Variants in CEPT1 observed in about 807,000 individuals in gnomAD.
The protein encoded by CEPT1 is choline/ethanolamine phosphotransferase 1.
A neutral mutation model predicts 42.6 loss-of-function variants in CEPT1; 7 were observed. The ratio of observed to expected loss-of-function variants is 0.16; its 90% CI spans 0.09 to 0.31. The LOEUF (loss-of-function observed/expected upper bound fraction) is 0.31, where lower values mean the gene tolerates loss of function less well. CEPT1 is among the 10% of genes least tolerant of loss of function. The pLI is 1.00. For missense variants in CEPT1, 306 were observed against 502.1 expected, an observed-to-expected ratio of 0.61 and a Z score of 3.73; for synonymous variants, 171 against 171.9, an observed-to-expected ratio of 0.99 and a Z score of 0.04.
intron 2 of CEPT1, among the ~76,000 whole-genome samples, chr1:111,151,773 G>A (rs2101260024): frequency 1.3e-5 from 2 of 152,336 alleles, no homozygotes; most frequent in African/African-American, 4.8e-5. Context: ...GTTCTTTACA[G>A]ATGCACATTT....
In CEPT1 at chr1:111,142,053, G is replaced by T. The variant is rs115590442; in HGVS notation, c.-74+1746G>T. The stretch of plus-strand genomic sequence containing the variant: ...CCTTATGCACTGCTCAGGAGTTAGA[G>T]ATTTTTTTTTTTAATGTGATACTTG... On this transcript the variant is annotated intron_variant, in intron 1 of 8. Transcript: ENST00000357172. 2.8e-3 allele frequency among the ~76,000 whole-genome samples: 426 copies of T among 151,964 alleles called. 4 individuals are homozygous for T. Among genetic ancestry groups the T allele is most frequent in the African/African-American group, 9.9e-3 (409 of 41,404 alleles).
At chr1:111,141,870 G>C (rs1234612752) in intron 1 of CEPT1, among the ~76,000 whole-genome samples, 1 of 151,310 alleles carries the variant, frequency 6.6e-6, no homozygotes, top group Non-Finnish European at 1.5e-5. Context: ...CTTTCTGCTA[G>C]TGTAGCCATG....
rs555595954 is a variant in CEPT1, at chr1:111,140,971, T to C, written c.-74+664T>C. Among the ~76,000 whole-genome samples the C allele has an allele frequency of 2.0e-5, 3 of 152,362 alleles. No individual in the cohort carries two copies. The East Asian group carries it at 5.8e-4, about 29-fold the overall frequency. On this transcript the variant is annotated intron_variant, in intron 1 of 8. Coordinates refer to ENST00000357172, the MANE Select transcript of CEPT1 (RefSeq NM_006090.5). ...ACTGCATGAACGGGATCTTTAGCCATGTTTAACTTGTTTTCTCCAATTCAG... is the reference window on the plus strand; with the variant it reads ...ACTGCATGAACGGGATCTTTAGCCACGTTTAACTTGTTTTCTCCAATTCAG...
In CEPT1 at chr1:111,174,770, A is replaced by AT. The variant is rs529404154; in HGVS notation, c.630-99dup. The AT allele has an allele frequency of 6.6e-3, 3,705 of 557,618 alleles. 7 individuals carry two copies. The highest frequency in any genetic ancestry group is 0.017 in the African/African-American group (905 of 52,370). 34.5% of individuals were successfully genotyped at this position (557,618 alleles called of 1,614,324 possible). On this transcript the variant is annotated intron_variant, in intron 4 of 8. Coordinates refer to ENST00000357172, the MANE Select transcript of CEPT1 (RefSeq NM_006090.5). The stretch of plus-strand genomic sequence containing the variant: ...TTTTCCCCTTTCCTCAATATTTGAG[A>AT]TTTTTTTTTTCTATTGTGCATGATA...
chr1:111,141,287 C>T (rs749485735), intron 1 of CEPT1, among the ~76,000 whole-genome samples: 2 of 152,170 alleles, frequency 1.3e-5, no homozygotes, highest in Non-Finnish European at 2.9e-5. Context: ...GAGCCATTGC[C>T]ATTCACATAA....
At chr1:111,181,997 C>T in intron 5 of CEPT1, 190 bp from the exon 6 acceptor site, 1 of 373,582 alleles carries the variant, frequency 2.7e-6, no homozygotes, top group South Asian at 5.9e-5. Flanking sequence ...AGATTAATTT[C>T]TAAATAGTCT....
rs2101415230 is a variant in CEPT1, at chr1:111,183,480, A to G, written c.1024A>G (p.Ser342Gly). 1 of 1,613,732 alleles carries G rather than the reference A, an allele frequency of 6.2e-7. No individual in the cohort carries two copies. Among genetic ancestry groups the G allele is most frequent in the East Asian group, 2.2e-5 (1 of 44,874 alleles). ...TTCATAGGTTGCACACATGACGAAA[A>G]GTGAAATGCATTTGCATGACACAGC... ...NKLVVAHMTK[S>G]EMHLHDTAFI... Residue 342 changes from serine (S) to glycine (G), a missense_variant, in exon 8 of 9, where the codon AGT (serine) becomes GGT (glycine). This residue lies in a region of CEPT1 where 253 missense variants were observed against 447.3 expected (regional missense o/e 0.57). Transcript: ENST00000357172.
intron 2 of CEPT1, among the ~76,000 whole-genome samples, chr1:111,159,052 T>C (rs947666240): frequency 3.3e-5 from 5 of 150,150 alleles, no homozygotes; most frequent in African/African-American, 1.2e-4. Flanking sequence ...TAGCTAGGAC[T>C]ACAGGCGCCC....
At chr1:111,142,377 T>C (rs992263663) in intron 1 of CEPT1, among the ~76,000 whole-genome samples, 1 of 152,184 alleles carries the variant, frequency 6.6e-6, no homozygotes, top group Non-Finnish European at 1.5e-5. Flanking sequence ...CCTCCCCTTT[T>C]TGAGTTTCTT....
At position 111,160,829 on chromosome 1, in the gene CEPT1, G is replaced by C. The variant is rs546771820; in HGVS notation, c.488-326G>C. On this transcript the variant is annotated intron_variant, in intron 3 of 8. Coordinates refer to ENST00000357172, the MANE Select transcript of CEPT1 (RefSeq NM_006090.5). ...ATAGCCCCTTTGTTTTTCTTTTTTG[G>C]CTGTCTGCCTTGTAATGATTTGCTG... 1.4e-5 allele frequency: 4 copies of C among 279,534 alleles called. No homozygotes were observed. In the South Asian group the frequency reaches 1.7e-4, roughly 12 times the overall value. The allele number at this position is 279,534 out of a possible 1,614,324, so 17.3% of individuals were successfully genotyped here.
Position 111,184,609 on chromosome 1 carries a change from C to G in CEPT1, c.*299C>G. ...ATAATACTGTGATGGGGAGCCAGAT[C>G]CGCAGTGGTGGAGAGTTCTAATGTT... On this transcript the variant is annotated 3_prime_UTR_variant, in exon 9 of 9. Transcript: ENST00000357172. 1 of 204,234 alleles carries G rather than the reference C, an allele frequency of 4.9e-6. No individual in the cohort carries two copies. Among genetic ancestry groups the G allele is most frequent in the Admixed American group, 5.7e-5 (1 of 17,472 alleles). 12.7% of individuals were successfully genotyped at this position (204,234 alleles called of 1,614,324 possible). A position where few individuals can be genotyped will look rare whatever the true frequency, so the allele number is the denominator to read the frequency against.
chr1:111,146,514 C>T (rs552872273), intron 1 of CEPT1, among the ~76,000 whole-genome samples: 2 of 152,126 alleles, frequency 1.3e-5, no homozygotes, highest in Non-Finnish European at 2.9e-5. Flanking sequence ...AATCTTCCAT[C>T]TAAATAGAAA....
intron 2 of CEPT1, among the ~76,000 whole-genome samples, chr1:111,149,008 T>C (rs1437400458): frequency 6.6e-6 from 1 of 152,172 alleles, no homozygotes; most frequent in Non-Finnish European, 1.5e-5. Context: ...TTTTAAGTAA[T>C]CTTCTCAGAT....
At chr1:111,156,373 A>G (rs1655573591) in intron 2 of CEPT1, among the ~76,000 whole-genome samples, 1 of 152,224 alleles carries the variant, frequency 6.6e-6, no homozygotes, top group Admixed American at 6.5e-5. Context: ...AAGAATGTGT[A>G]TTCTGCAGCT....
intron 4 of CEPT1, among the ~76,000 whole-genome samples, chr1:111,169,117 C>T (rs754920781): frequency 1.3e-5 from 2 of 152,118 alleles, no homozygotes; most frequent in Non-Finnish European, 2.9e-5. Context: ...TGTACGTGTT[C>T]AGTACAGACA....
chr1:111,158,982 C>T (rs937985872), intron 2 of CEPT1, among the ~76,000 whole-genome samples: 2 of 125,410 alleles, frequency 1.6e-5, no homozygotes, highest in Non-Finnish European at 3.2e-5. Flanking sequence ...GGCGCAATCT[C>T]GGCTCACTGC....
chr1:111,141,336 T>C (rs1194685401), intron 1 of CEPT1, among the ~76,000 whole-genome samples: 1 of 152,240 alleles, frequency 6.6e-6, no homozygotes, highest in Non-Finnish European at 1.5e-5. Flanking sequence ...TAGTTTCCTC[T>C]TCGTTTTATG....
chr1:111,166,543 C>T (rs765392259), intron 4 of CEPT1, among the ~76,000 whole-genome samples: 51 of 152,174 alleles, frequency 3.4e-4, no homozygotes, highest in Non-Finnish European at 6.3e-4. Flanking sequence ...TTGCTCTAAC[C>T]ATATCCAAAT....
chr1:111,144,845 C>T (rs910496104), intron 1 of CEPT1, among the ~76,000 whole-genome samples: 2 of 152,086 alleles, frequency 1.3e-5, no homozygotes, highest in Non-Finnish European at 2.9e-5. Flanking sequence ...TAAGTGTATT[C>T]GTGGTTATTG....
Sources: allele counts gnomAD v4.1 joint callset (sites outside exome capture counted in the v4.1 genomes callset), GRCh38; gene constraint gnomAD v4.1.1; regional missense constraint gnomAD v4.1.1; transcripts MANE v1.5; gene names NCBI Gene and HGNC (gene_info 2026-07-23, HGNC 2026-07-21).